The following ZFHX3 variants were observed in gnomAD, a reference collection of about 807,000 sequenced individuals.
ZFHX3 encodes zinc finger homeobox 3, also known as zinc finger homeobox protein 3.
Under a neutral mutation model 279.1 loss-of-function variants are expected in ZFHX3, and 42 were observed. That is an observed-to-expected ratio of 0.15 (90% confidence interval 0.12 to 0.19). ZFHX3 has a LOEUF of 0.19. Among genes scored for constraint, ZFHX3 ranks in the 10% least tolerant of loss-of-function variants. The pLI is 1.00. For synonymous variants in ZFHX3, 2,293 were observed against 1,957.8 expected (o/e 1.17, Z -4.52); for missense variants, 4,981 against 4,754.0 (o/e 1.05, Z -1.40).
At chr16:73,137,864 A>G (rs1244471400) in intron 6 of ZFHX3, among the ~76,000 whole-genome samples, 1 of 152,100 alleles carries the variant, frequency 6.6e-6, no homozygotes. Flanking sequence ...AAGGCTACTC[A>G]AAATTTTTTT....
intron 1 of ZFHX3, among the ~76,000 whole-genome samples, chr16:73,053,365 C>G (rs1373626030): frequency 6.6e-6 from 1 of 152,130 alleles, no homozygotes; most frequent in South Asian, 2.1e-4. Flanking sequence ...GGGGAGGCTG[C>G]GGGGGCAAGG....
At chr16:73,709,143 A>G (rs1401634777) in intron 1 of ZFHX3, among the ~76,000 whole-genome samples, 2 of 152,122 alleles carry the variant, frequency 1.3e-5, no homozygotes, top group Non-Finnish European at 2.9e-5. Flanking sequence ...TCATCCTAAG[A>G]GTCCATCTGC....
chr16:73,049,855 T>C (rs1383544352), upstream of ZFHX3, among the ~76,000 whole-genome samples: 1 of 152,146 alleles, frequency 6.6e-6, no homozygotes, highest in East Asian at 1.9e-4. Context: ...GTTATTTATA[T>C]TGGCCATATA....
intron 8 of ZFHX3, among the ~76,000 whole-genome samples, chr16:73,066,452 C>A (rs1369882005): frequency 1.3e-5 from 2 of 152,214 alleles, no homozygotes; most frequent in African/African-American, 2.4e-5. Context: ...GGGCTCTGGA[C>A]TCCCGGGAGG....
intron 5 of ZFHX3, among the ~76,000 whole-genome samples, chr16:73,219,957 G>T (rs1327586588): frequency 6.6e-6 from 1 of 152,040 alleles, no homozygotes; most frequent in Non-Finnish European, 1.5e-5. Context: ...GTGGTGACAC[G>T]TGCCTGTAAT....
intron 2 of ZFHX3, among the ~76,000 whole-genome samples, chr16:72,956,897 T>C (rs1332052214): frequency 3.3e-5 from 5 of 152,060 alleles, no homozygotes; most frequent in Non-Finnish European, 7.4e-5. Flanking sequence ...GAAGTCTATC[T>C]GGATGGTTCC....
intron 3 of ZFHX3, among the ~76,000 whole-genome samples, chr16:73,434,158 G>T (rs1012944357): frequency 6.6e-6 from 1 of 152,166 alleles, no homozygotes; most frequent in African/African-American, 2.4e-5. Flanking sequence ...TTTGCTGATC[G>T]ATCTTGGACT....
At chr16:73,234,529 A>G (rs976088564) in intron 5 of ZFHX3, among the ~76,000 whole-genome samples, 8 of 152,308 alleles carry the variant, frequency 5.3e-5, no homozygotes, top group African/African-American at 1.7e-4. Flanking sequence ...AAACCTCATG[A>G]TGGCCAAAGC....
intron 5 of ZFHX3, among the ~76,000 whole-genome samples, chr16:73,202,590 C>A (rs1325332572): frequency 6.6e-6 from 1 of 152,204 alleles, no homozygotes; most frequent in Non-Finnish European, 1.5e-5. Flanking sequence ...CCAGATGGTG[C>A]TGAGGGAACC....
intron 3 of ZFHX3, among the ~76,000 whole-genome samples, chr16:73,451,161 C>A (rs1456023959): frequency 6.6e-6 from 1 of 152,180 alleles, no homozygotes. Flanking sequence ...GGGCCTGCAG[C>A]TTCTGATTTG....
chr16:72,810,216 T>C (rs1482739629), intron 7 of ZFHX3, among the ~76,000 whole-genome samples: 2 of 151,328 alleles, frequency 1.3e-5, no homozygotes, highest in African/African-American at 2.4e-5. Flanking sequence ...GATGGAGTCC[T>C]GCTGTGTCAC....
chr16:73,403,478 C>G (rs1460849186), intron 3 of ZFHX3, among the ~76,000 whole-genome samples: 3 of 152,184 alleles, frequency 2.0e-5, no homozygotes, highest in African/African-American at 7.2e-5. Flanking sequence ...GGTCTGTGTG[C>G]ACGTTTGTAC....
intron 4 of ZFHX3, among the ~76,000 whole-genome samples, chr16:73,275,456 C>T (rs2014269976): frequency 6.6e-6 from 1 of 152,140 alleles, no homozygotes; most frequent in South Asian, 2.1e-4. Context: ...TCGTCTTTCA[C>T]TAGGGGGTCT....
intron 5 of ZFHX3, among the ~76,000 whole-genome samples, chr16:73,196,511 T>C (rs1054820508): frequency 6.6e-6 from 1 of 151,530 alleles, no homozygotes; most frequent in Non-Finnish European, 1.5e-5. Context: ...AAACATAGAG[T>C]TGAGAAACAA....
chr16:73,729,411 C>G (rs1422477785), intron 1 of ZFHX3, among the ~76,000 whole-genome samples: 1 of 152,208 alleles, frequency 6.6e-6, no homozygotes, highest in Non-Finnish European at 1.5e-5. Flanking sequence ...TGCCTGTAAT[C>G]TCAGCTACTT....
chr16:73,371,609 G>C (rs1340642101), intron 3 of ZFHX3, among the ~76,000 whole-genome samples: 1 of 152,058 alleles, frequency 6.6e-6, no homozygotes, highest in Non-Finnish European at 1.5e-5. Flanking sequence ...GGTGCACCGG[G>C]TGTACCCCTC....
intron 4 of ZFHX3, among the ~76,000 whole-genome samples, chr16:72,875,673 G>A (rs867151045): frequency 3.8e-4 from 58 of 152,156 alleles, no homozygotes; most frequent in Middle Eastern, 3.2e-3. Flanking sequence ...ACTGGTATAG[G>A]GTTAACTGAA....
At chr16:73,238,978 T>C (rs902085878) in intron 5 of ZFHX3, among the ~76,000 whole-genome samples, 4 of 152,098 alleles carry the variant, frequency 2.6e-5, no homozygotes, top group African/African-American at 9.7e-5. Flanking sequence ...TATTCCTGCT[T>C]CCCTCTCCCA....
chr16:73,857,402 C>T (rs1360681205), intron 1 of ZFHX3, among the ~76,000 whole-genome samples: 1 of 152,146 alleles, frequency 6.6e-6, no homozygotes, highest in Non-Finnish European at 1.5e-5. Context: ...ATAAAGACTC[C>T]AAGTCCTTTG....
Sources: gnomAD v4.1 joint callset for allele counts (sites outside exome capture counted in the v4.1 genomes callset) on GRCh38, gnomAD v4.1.1 for gene constraint, MANE v1.5 for transcripts, NCBI Gene and HGNC (gene_info 2026-07-23, HGNC 2026-07-21) for gene names.